The following AURKC variants were observed in gnomAD, a reference collection of about 807,000 sequenced individuals.
AURKC encodes ARK-3.
Under a neutral mutation model 29.2 loss-of-function variants are expected in AURKC, and 15 were observed. That is an observed-to-expected ratio of 0.51 (90% CI 0.34 to 0.79). The LOEUF (loss-of-function observed/expected upper bound fraction) is 0.79. AURKC is among the 30% of genes least tolerant of loss of function. The pLI, the probability that AURKC is intolerant of heterozygous loss-of-function variation, is 0.01. For synonymous variants in AURKC, 150 were observed against 149.9 expected (o/e 1.00, Z -0.01); for missense variants, 332 against 383.2 (o/e 0.87, Z 1.12).
At position 57,231,143 on chromosome 19, in the gene AURKC, AG is replaced by A. The variant is rs1352396284; in HGVS notation, c.-105del. 1.8e-5 allele frequency: 24 copies of A among 1,364,238 alleles called. No homozygotes were observed. The highest frequency in any genetic ancestry group is 2.2e-5 in the Non-Finnish European group (23 of 1,026,754). 84.5% of individuals were successfully genotyped at this position (1,364,238 alleles called of 1,614,324 possible). On this transcript the variant is annotated 5_prime_UTR_variant, in exon 1 of 7. Coordinates refer to ENST00000302804, the MANE Select transcript of AURKC (RefSeq NM_001015878.2). ...AGGCTGCAGGACGAGCAGGATTGGA[AG>A]CGCCCCGGCCAGAAAGTGACCCCCC...
In AURKC at chr19:57,232,699, G is replaced by A; in HGVS notation, c.435+19G>A. ...AGCCACGGTGAGGTGCGGGTCTGGA[G>A]GCTCTGGGGTCTCTGAGTTTACTGT... On this transcript the variant is annotated intron_variant, in intron 4 of 6. Transcript: ENST00000302804. This position sits in a 1 kb window ranked among gnomAD's most constrained non-coding sequence, Gnocchi z 4.5. 1 of 1,612,708 alleles carries A rather than the reference G, an allele frequency of 6.2e-7. No homozygotes were observed. Among genetic ancestry groups the A allele is most frequent in the Non-Finnish European group, 8.5e-7 (1 of 1,180,030 alleles).
chr19:57,234,114 A>G (rs1235055439), intron 5 of AURKC, among the ~76,000 whole-genome samples: 7 of 140,106 alleles, frequency 5.0e-5, no homozygotes, highest in African/African-American at 1.6e-4. Context: ...CTAGATTGCA[A>G]TAGTGTGATC....
In AURKC at chr19:57,232,531, T is replaced by C. The variant is rs929295265; in HGVS notation, c.297-11T>C. ...GGGAGAAATCTGACTCTTCCAACAT[T>C]AATCCTTCAGACACCCCAATATCCT... On this transcript the variant is annotated splice_polypyrimidine_tract_variant and intron_variant, in intron 3 of 6. Transcript: ENST00000302804. This position sits in a 1 kb window ranked among gnomAD's most constrained non-coding sequence, Gnocchi z 4.5. 7 of 1,614,158 alleles carry C rather than the reference T, an allele frequency of 4.3e-6. No individual in the cohort carries two copies. In the Middle Eastern group the frequency reaches 6.6e-4, roughly 152 times the overall value.
chr19:57,235,124 C>A, intron 6 of AURKC, 66 bp downstream of exon 6: 1 of 1,609,192 alleles, frequency 6.2e-7, no homozygotes, highest in Non-Finnish European at 8.5e-7. Flanking sequence ...GCTGTGGGCA[C>A]ACACACACAC....
intron 6 of AURKC, 52 bp from the exon 7 acceptor site, chr19:57,235,195 T>C (rs1414234191): frequency 4.3e-6 from 7 of 1,612,258 alleles, no homozygotes; most frequent in South Asian, 3.3e-5. Flanking sequence ...AGGGAGGACA[T>C]TGATCAAAGA....
In AURKC at chr19:57,232,528, C is replaced by A. The variant is rs979438570; in HGVS notation, c.297-14C>A. The A allele has an allele frequency of 6.2e-7, 1 of 1,614,042 alleles. No individual in the cohort carries two copies. The highest frequency in any genetic ancestry group is 1.3e-5 in the African/African-American group (1 of 74,920). On this transcript the variant is annotated splice_polypyrimidine_tract_variant and intron_variant, in intron 3 of 6. Transcript: ENST00000302804. The surrounding 1 kb of genome is among the most constrained non-coding windows in gnomAD (Gnocchi z 4.5). ...TCAGGGAGAAATCTGACTCTTCCAA[C>A]ATTAATCCTTCAGACACCCCAATAT...
rs1568485137 is a variant in AURKC at position 57,235,230 on chromosome 19, T to A, written c.760-17T>A. ...AAATTAACCAGACTTCTCTTTCTTC[T>A]TTCCTGGCCTCATCAGGTAGATGTG... On this transcript the variant is annotated splice_polypyrimidine_tract_variant and intron_variant, in intron 6 of 6. Transcript: ENST00000302804. The A allele has an allele frequency of 6.2e-7, 1 of 1,614,206 alleles. No individual in the cohort carries two copies. The highest frequency in any genetic ancestry group is 2.2e-5 in the East Asian group (1 of 44,888).
rs778336053 is a variant in AURKC at position 57,233,599 on chromosome 19, C to G, written c.575C>G (p.Pro192Arg). Reference protein sequence around the residue: ...IADFGWSVHTPSLRRKTMCGT... With the variant: ...IADFGWSVHTRSLRRKTMCGT... ...GATTTTGGCTGGTCTGTGCACACCC[C>G]CTCCCTGAGGTAGGTCAGGTGGTGG... Residue 192 changes from proline (P) to arginine (R), a missense_variant, in exon 5 of 7, where the codon CCC becomes CGC. Physicochemically the swap from Pro to Arg is moderately radical, Grantham distance 103 (BLOSUM62 -2). Coordinates refer to ENST00000302804, the MANE Select transcript of AURKC (RefSeq NM_001015878.2). 5 of 1,613,630 alleles carry G rather than the reference C, an allele frequency of 3.1e-6. No individual in the cohort carries two copies. Among genetic ancestry groups the G allele is most frequent in the Middle Eastern group, 1.7e-4 (1 of 5,794 alleles).
In AURKC at chr19:57,235,357, C is replaced by A. The variant is rs769593496; in HGVS notation, c.870C>A (p.His290Gln). The part of the protein sequence containing the change: ...ERLPLAQILK[H>Q]PWVQAHSRRV... ...TGCCCCTGGCCCAGATCCTGAAGCA[C>A]CCCTGGGTTCAGGCCCACTCCCGAA... The change falls in exon 7 of 7, where the codon CAC becomes CAA. Residue 290 changes from histidine to glutamine, a missense_variant. His to Gln is a conservative substitution (Grantham distance 24). Coordinates refer to ENST00000302804, the MANE Select transcript of AURKC (RefSeq NM_001015878.2). 29 of 1,614,166 alleles carry A rather than the reference C, an allele frequency of 1.8e-5. No individual in the cohort carries two copies. In the South Asian group the frequency reaches 3.0e-4, roughly 17 times the overall value.
Position 57,231,797 on chromosome 19 carries a change from T to C in AURKC, c.104+10T>C. The C allele has an allele frequency of 6.2e-7, 1 of 1,613,916 alleles. No homozygotes were observed. The highest frequency in any genetic ancestry group is 8.5e-7 in the Non-Finnish European group (1 of 1,179,994). On this transcript the variant is annotated intron_variant, in intron 2 of 6. Transcript: ENST00000302804. ...CCAGCAGCCCAGCCATGTGAGTCCCTTGGGATTGGTATCTGGAAAAGGAAG... is the reference window on the plus strand; with the variant it reads ...CCAGCAGCCCAGCCATGTGAGTCCCCTGGGATTGGTATCTGGAAAAGGAAG...
chr19:57,231,533 C>G, intron 1 of AURKC: 1 of 744,970 alleles, frequency 1.3e-6, no homozygotes. Context: ...TCCTCCTCCC[C>G]TCCCTACCTT....
At chr19:57,234,853 A>T in intron 5 of AURKC, 31 bp from the exon 6 acceptor site, 1 of 1,613,702 alleles carries the variant, frequency 6.2e-7, no homozygotes, top group Non-Finnish European at 8.5e-7. Flanking sequence ...GCCTCTGCTT[A>T]GTACTTATTC....
At chr19:57,234,343 A>T (rs957317064) in intron 5 of AURKC, among the ~76,000 whole-genome samples, 1 of 152,246 alleles carries the variant, frequency 6.6e-6, no homozygotes, top group Non-Finnish European at 1.5e-5. Context: ...GGCATGAGCC[A>T]CGATGCCTGG....
rs761533639 is a variant in AURKC at position 57,231,164 on chromosome 19, C to A, written c.-85C>A. On this transcript the variant is annotated 5_prime_UTR_variant, in exon 1 of 7. Coordinates refer to ENST00000302804, the MANE Select transcript of AURKC (RefSeq NM_001015878.2). ...TGGAAGCGCCCCGGCCAGAAAGTGA[C>A]CCCCCACCCCTTTCAGGACCCTGTG... 12 of 1,547,240 alleles carry A rather than the reference C, an allele frequency of 7.8e-6. No individual in the cohort carries two copies. Among genetic ancestry groups the A allele is most frequent in the Non-Finnish European group, 1.0e-5 (12 of 1,145,134 alleles).
chr19:57,233,732 C>T, intron 5 of AURKC, 124 bp downstream of exon 5: 1 of 1,329,370 alleles, frequency 7.5e-7, no homozygotes, highest in Non-Finnish European at 1.1e-6. Flanking sequence ...TGGAATACTG[C>T]CTTTTTCTTT....
At chr19:57,233,734 TTTTTC>T (rs368342850) in intron 5 of AURKC, 126 bp downstream of exon 5, 852 of 1,318,814 alleles carry the variant, frequency 6.5e-4, no homozygotes, top group Non-Finnish European at 7.9e-4. Context: ...GAATACTGCC[TTTTTC>T]TTTTCTTTTC....
Position 57,234,736 on chromosome 19 carries a change from A to G in AURKC, c.585-148A>G. Reference sequence around the variant, plus strand: ...ACTTTTCTGAACCTTGATCCATATTAAAAATTTGTCTCTCCAAACTCCTGT... The same window carrying G: ...ACTTTTCTGAACCTTGATCCATATTGAAAATTTGTCTCTCCAAACTCCTGT... On this transcript the variant is annotated intron_variant, in intron 5 of 6. Transcript: ENST00000302804. The G allele has an allele frequency of 4.9e-6, 4 of 820,080 alleles. No individual in the cohort carries two copies. The South Asian group carries it at 6.7e-5, about 14-fold the overall frequency. 50.8% of individuals were successfully genotyped at this position (820,080 alleles called of 1,614,324 possible).
rs561265864 is a variant in AURKC at position 57,234,914 on chromosome 19, C to T, written c.615C>T (p.Tyr205=). 6.2e-7 allele frequency: 1 copy of T among 1,614,190 alleles called. No homozygotes were observed. The highest frequency in any genetic ancestry group is 2.2e-5 in the East Asian group (1 of 44,882). ...RRKTMCGTLD[Y]LPPEMIEGRT... ...AGACAATGTGTGGGACACTGGACTA[C>T]TTGCCGCCAGAAATGATTGAGGGGA... Residue 205 remains tyrosine, a synonymous_variant, in exon 6 of 7, where the codon TAC becomes TAT. Transcript: ENST00000302804.
Position 57,232,617 on chromosome 19 carries a change from A to G in AURKC, c.372A>G (p.Pro124=). 8 of 1,614,120 alleles carry G rather than the reference A, an allele frequency of 5.0e-6. No homozygotes were observed. The highest frequency in any genetic ancestry group is 4.2e-6 in the Non-Finnish European group (5 of 1,180,028). ...RRVYLILEYA[P]RGELYKELQK... is the part of the protein sequence containing the mutation. The stretch of plus-strand genomic sequence containing the variant: ...TGTACCTGATTCTGGAATATGCTCC[A>G]AGGGGTGAGCTCTACAAGGAGCTGC... The change falls in exon 4 of 7, where the codon CCA becomes CCG. Residue 124 remains proline (P), a synonymous_variant. Coordinates refer to ENST00000302804, the MANE Select transcript of AURKC (RefSeq NM_001015878.2). This position sits in a 1 kb window ranked among gnomAD's most constrained non-coding sequence, Gnocchi z 4.5.
Sources: allele counts gnomAD v4.1 joint callset (sites outside exome capture counted in the v4.1 genomes callset), GRCh38; gene constraint gnomAD v4.1.1; non-coding constraint Gnocchi (gnomAD v3.1); transcripts MANE v1.5; gene names NCBI Gene and HGNC (gene_info 2026-07-23, HGNC 2026-07-21).